CLVS1: variants seen among roughly 807,000 people sequenced by gnomAD.
The protein encoded by CLVS1 is clavesin-1.
A neutral mutation model predicts 33.1 loss-of-function variants in CLVS1; 10 were observed. The observed-to-expected ratio is 0.30, with a 90% CI of 0.19 to 0.51. The LOEUF is 0.51. Among genes scored for constraint, CLVS1 ranks in the 20% least tolerant of loss-of-function variants. The pLI, the probability that CLVS1 is intolerant of heterozygous loss-of-function variation, is 0.97. For missense variants in CLVS1, 343 were observed against 433.4 expected, an observed-to-expected ratio of 0.79 and a Z score of 1.85; for synonymous variants, 163 against 166.1, an observed-to-expected ratio of 0.98 and a Z score of 0.14.
intron 2 of CLVS1, among the ~76,000 whole-genome samples, chr8:61,315,047 A>T (rs1810965123): frequency 1.3e-5 from 2 of 152,330 alleles, no homozygotes; most frequent in African/African-American, 4.8e-5. Flanking sequence ...CCACTGCAGC[A>T]TCTGTTTGGG....
At position 61,410,601 on chromosome 8, in the gene CLVS1, C is replaced by A. The variant is rs373027198; in HGVS notation, c.630+33822C>A. On this transcript the variant is annotated intron_variant, in intron 3 of 5. Transcript: ENST00000325897. The stretch of plus-strand genomic sequence containing the variant: ...ATTCTCTGCATACCCGCCCCACTCT[C>A]CACTCCATCAGATTGCTTTCTTTCT... Among the ~76,000 whole-genome samples the A allele has an allele frequency of 2.0e-5, 3 of 152,210 alleles. No individual in the cohort carries two copies. The East Asian group carries it at 5.8e-4, about 29-fold the overall frequency.
Position 61,400,211 on chromosome 8 carries a change from G to C in CLVS1, c.630+23432G>C, listed in dbSNP as rs139907219. On this transcript the variant is annotated intron_variant, in intron 3 of 5. Transcript: ENST00000325897. ...TGTTTGAGTAAACTCAGATTTCTTT[G>C]AGCAGTGATTTGTACCTGTCCTTGA... Among the ~76,000 whole-genome samples, 22 of 152,124 alleles carry C rather than the reference G, an allele frequency of 1.4e-4. No individual in the cohort carries two copies. In the South Asian group the frequency reaches 3.1e-3, roughly 22 times the overall value.
intron 2 of CLVS1, among the ~76,000 whole-genome samples, chr8:61,165,373 A>G (rs146706496): frequency 0.026 from 4,004 of 152,300 alleles, 169 homozygotes; most frequent in African/African-American, 0.09. Context: ...ATACAAGGGG[A>G]GGGGACCCAA....
chr8:61,180,373 G>A lies in CLVS1; in HGVS notation c.-152+48513G>A, dbSNP rs149858018. Among the ~76,000 whole-genome samples, 14 of 152,228 alleles carry A rather than the reference G, an allele frequency of 9.2e-5. 1 individual carries two copies. In the Middle Eastern group the frequency reaches 0.01, roughly 111 times the overall value. On this transcript the variant is annotated intron_variant, in intron 2 of 2. Coordinates refer to the CLVS1 transcript ENST00000522621. ...ATAGCCTACCCACTAAAAAAGCCCA[G>A]GACCAGGTGGATTCACAGCCAAACT...
intron 2 of CLVS1, among the ~76,000 whole-genome samples, chr8:61,341,603 C>T (rs1312885397): frequency 6.6e-6 from 1 of 152,200 alleles, no homozygotes; most frequent in African/African-American, 2.4e-5. Context: ...TGGGAATGCA[C>T]ACCTCCGTGA....
At chr8:61,151,295 A>C (rs1806529738) in intron 2 of CLVS1, among the ~76,000 whole-genome samples, 1 of 152,230 alleles carries the variant, frequency 6.6e-6, no homozygotes, top group East Asian at 1.9e-4. Context: ...GGTTAAACTA[A>C]TATTTACTGA....
At chr8:61,005,345 AG>A in the CLVS1 span, among the ~76,000 whole-genome samples, 1 of 151,034 alleles carries the variant, frequency 6.6e-6, no homozygotes, top group Non-Finnish European at 1.5e-5. Context: ...GAATACGTCA[AG>A]GGGACCCAGG....
intron 5 of CLVS1, among the ~76,000 whole-genome samples, chr8:61,468,934 T>C (rs542253025): frequency 2.6e-5 from 4 of 152,240 alleles, no homozygotes; most frequent in Non-Finnish European, 5.9e-5. Flanking sequence ...AATGGAGCGA[T>C]ACCACACCCC....
intron 3 of CLVS1, among the ~76,000 whole-genome samples, chr8:61,392,195 G>A (rs763630110): frequency 2.6e-5 from 4 of 152,118 alleles, no homozygotes; most frequent in Non-Finnish European, 5.9e-5. Flanking sequence ...AGTTGGGCAT[G>A]GTGGTGCAGG....
chr8:61,307,391 T>C (rs1422729518), intron 2 of CLVS1, among the ~76,000 whole-genome samples: 2 of 152,090 alleles, frequency 1.3e-5, no homozygotes, highest in Non-Finnish European at 2.9e-5. Context: ...ATTAGAGTCA[T>C]TGTAAGAAGG....
intron 5 of CLVS1, among the ~76,000 whole-genome samples, chr8:61,469,700 G>C (rs1165176197): frequency 1.3e-5 from 2 of 152,182 alleles, no homozygotes; most frequent in South Asian, 2.1e-4. Flanking sequence ...AAAGAATAAG[G>C]GTTGGCAGTG....
intron 2 of CLVS1, among the ~76,000 whole-genome samples, chr8:61,223,520 G>A (rs539510974): frequency 6.6e-6 from 1 of 152,268 alleles, no homozygotes; most frequent in African/African-American, 2.4e-5. Context: ...CTCTCTTCTG[G>A]CTTGTAGGGT....
intron 2 of CLVS1, among the ~76,000 whole-genome samples, chr8:61,226,663 A>G (rs1364608713): frequency 6.6e-6 from 1 of 152,234 alleles, no homozygotes; most frequent in Non-Finnish European, 1.5e-5. Context: ...AATGAAGAAT[A>G]ATCTTGGAAT....
chr8:61,046,623 A>G, the CLVS1 span, among the ~76,000 whole-genome samples: 26 of 151,748 alleles, frequency 1.7e-4, no homozygotes, highest in Admixed American at 1.3e-3. Flanking sequence ...ACCCATGAGC[A>G]TGGAATGTTC....
At chr8:61,368,064 C>T (rs186925713) in intron 2 of CLVS1, among the ~76,000 whole-genome samples, 1 of 152,190 alleles carries the variant, frequency 6.6e-6, no homozygotes, top group African/African-American at 2.4e-5. Context: ...TGAGAGAATA[C>T]AGAAGCACCT....
At chr8:61,053,039 G>C (rs1804412787), upstream of CLVS1, among the ~76,000 whole-genome samples, 1 of 152,198 alleles carries the variant, frequency 6.6e-6, no homozygotes, top group Non-Finnish European at 1.5e-5. Flanking sequence ...GTCAGAGAAA[G>C]AGTGGAGACA....
chr8:61,072,892 A>ATAAG (rs1457137632), intron 1 of CLVS1, among the ~76,000 whole-genome samples: 1 of 152,242 alleles, frequency 6.6e-6, no homozygotes, highest in Non-Finnish European at 1.5e-5. Context: ...AAATGGAATA[A>ATAAG]TAAGTTCCAA....
the CLVS1 span, among the ~76,000 whole-genome samples, chr8:61,039,912 G>C: frequency 6.6e-6 from 1 of 152,194 alleles, no homozygotes; most frequent in Non-Finnish European, 1.5e-5. Flanking sequence ...GCATGATCCT[G>C]AGGTTTCGGG....
the CLVS1 span, among the ~76,000 whole-genome samples, chr8:60,970,433 G>A: frequency 6.6e-6 from 1 of 152,144 alleles, no homozygotes; most frequent in African/African-American, 2.4e-5. Flanking sequence ...TAATTCCTTT[G>A]TTTTATGAAA....
Sources: allele counts gnomAD v4.1 joint callset (sites outside exome capture counted in the v4.1 genomes callset), GRCh38; gene constraint gnomAD v4.1.1; transcripts MANE v1.5; gene names NCBI Gene and HGNC (gene_info 2026-07-23, HGNC 2026-07-21).